INSL6: variants seen among roughly 807,000 people sequenced by gnomAD.
INSL6 encodes the protein insulin like 6.
Under a neutral mutation model 9.4 loss-of-function variants are expected in INSL6, and 16 were observed. The observed-to-expected ratio is 1.70, with a 90% CI of 1.15 to 2.59. INSL6 has a LOEUF of 2.59. Ranked by LOEUF, INSL6 falls within the 30% of genes most tolerant of loss-of-function variation. The probability of loss-of-function intolerance (pLI) is 0.00; values close to 1 mark genes in which losing one functional copy is unlikely to be tolerated. For missense variants in INSL6, 391 were observed against 257.3 expected (o/e 1.52, Z -3.56); for synonymous variants, 154 against 96.9 (o/e 1.59, Z -3.46).
chr9:5,019,436 T>C, the INSL6 span, among the ~76,000 whole-genome samples: 1 of 152,140 alleles, frequency 6.6e-6, no homozygotes, highest in Non-Finnish European at 1.5e-5. Flanking sequence ...TCCTGAGTTG[T>C]TTTTCTGGTT....
At chr9:5,041,837 T>G in the INSL6 span, 1 of 477,268 alleles carries the variant, frequency 2.1e-6, no homozygotes, top group Non-Finnish European at 4.2e-6. Flanking sequence ...ACTCCACCAA[T>G]GGGGAGCTGA....
chr9:5,160,939 G>C (rs1017511743), downstream of INSL6, among the ~76,000 whole-genome samples: 6 of 152,106 alleles, frequency 3.9e-5, no homozygotes, highest in Non-Finnish European at 7.4e-5. Context: ...TAAGATTGAA[G>C]CTATAATAAA....
chr9:5,031,947 G>A, the INSL6 span, among the ~76,000 whole-genome samples: 4 of 152,242 alleles, frequency 2.6e-5, no homozygotes, highest in Non-Finnish European at 2.9e-5. Context: ...AGCATGAGCC[G>A]AAGCAGGGCG....
rs780751879 is a variant in INSL6, at chr9:5,185,358, C to G, written c.245G>C (p.Ser82Thr). The stretch of plus-strand genomic sequence containing the variant: ...CCGGGCCGGGGAAGCGGTTTGCGGG[C>G]TTTCGAACTGGTATGGGCTGTAGGC... ...VEAYSPYQFESPQTASPARGR... is the reference protein window; with the variant it reads ...VEAYSPYQFETPQTASPARGR... Residue 82 changes from serine to threonine, a missense_variant, in exon 1 of 2, where the codon AGC becomes ACC. Physicochemically the swap from Ser to Thr is moderately conservative, Grantham distance 58. Transcript: ENST00000381641. The G allele has an allele frequency of 6.2e-7, 1 of 1,614,134 alleles. No homozygotes were observed. The highest frequency in any genetic ancestry group is 1.7e-5 in the Admixed American group (1 of 60,020).
chr9:5,093,614 G>T, the INSL6 span, among the ~76,000 whole-genome samples: 5,484 of 152,146 alleles, frequency 0.036, 134 homozygotes, highest in African/African-American at 0.067. Flanking sequence ...TAAAAATTTT[G>T]GTTGGGGTGA....
chr9:5,031,685 T>C, the INSL6 span, among the ~76,000 whole-genome samples: 2 of 152,300 alleles, frequency 1.3e-5, no homozygotes, highest in South Asian at 2.1e-4. Flanking sequence ...TGCAAAACAA[T>C]AGAAAAAATC....
At chr9:5,068,369 A>T in the INSL6 span, among the ~76,000 whole-genome samples, 1 of 152,164 alleles carries the variant, frequency 6.6e-6, no homozygotes, top group Non-Finnish European at 1.5e-5. Flanking sequence ...TAAAAATGTA[A>T]TATTAAAGAT....
Position 5,185,626 on chromosome 9 carries a change from C to T in INSL6, c.-24G>A, listed in dbSNP as rs771897156. 3.1e-6 allele frequency: 5 copies of T among 1,600,094 alleles called. No individual in the cohort carries two copies. The highest frequency in any genetic ancestry group is 1.7e-5 in the Admixed American group (1 of 58,000). On this transcript the variant is annotated 5_prime_UTR_variant, in exon 1 of 2. Transcript: ENST00000381641. Reference sequence around the variant, plus strand: ...ATCCCTGTGACCCCAGGCTAGTCCTCCGCGTTGTGCAATGGCGGTCGGCCG... The same window carrying T: ...ATCCCTGTGACCCCAGGCTAGTCCTTCGCGTTGTGCAATGGCGGTCGGCCG...
chr9:5,099,873 C>A, the INSL6 span: 1 of 152,120 alleles, frequency 6.6e-6, no homozygotes, highest in African/African-American at 2.4e-5. Context: ...GTATAGCAAT[C>A]CCCCTGTGAG....
At chr9:5,109,144 A>G in the INSL6 span, 1 of 152,140 alleles carries the variant, frequency 6.6e-6, no homozygotes, top group Non-Finnish European at 1.5e-5. Flanking sequence ...TACTCCCTAC[A>G]TGTACCAATC....
chr9:5,073,897 C>T, the INSL6 span: 1 of 683,886 alleles, frequency 1.5e-6, no homozygotes, highest in East Asian at 2.6e-5. Context: ...TATAATTTAA[C>T]AGGAGTTAAG....
the INSL6 span, chr9:5,112,889 C>A: frequency 1.1e-5 from 4 of 376,554 alleles, no homozygotes; most frequent in Non-Finnish European, 1.8e-5. Context: ...GCCCTCAGCC[C>A]CGTGGGCTGG....
chr9:5,172,549 G>A (rs770185086), intron 1 of INSL6, among the ~76,000 whole-genome samples: 1 of 152,168 alleles, frequency 6.6e-6, no homozygotes. Flanking sequence ...GGAAATTTTT[G>A]CAATCTATCC....
At chr9:5,056,713 T>A in the INSL6 span, among the ~76,000 whole-genome samples, 2 of 152,188 alleles carry the variant, frequency 1.3e-5, no homozygotes, top group Non-Finnish European at 2.9e-5. Context: ...CATAAAAGGA[T>A]GATTAACAAT....
At chr9:5,022,020 G>A in the INSL6 span, 1 of 1,614,096 alleles carries the variant, frequency 6.2e-7, no homozygotes. Flanking sequence ...TGACAGAAAT[G>A]GAGGGAACAT....
chr9:5,015,540 T>G, the INSL6 span, among the ~76,000 whole-genome samples: 15 of 37,500 alleles, frequency 4.0e-4, 1 homozygote, highest in East Asian at 7.1e-3. Context: ...TTTCTTTTCT[T>G]TTTTTTTTTT....
At chr9:5,091,089 G>GAAAATGGCATATGCTTT in the INSL6 span, 2 of 485,418 alleles carry the variant, frequency 4.1e-6, no homozygotes, top group Non-Finnish European at 7.2e-6. Context: ...GTCCACGTGG[G>GAAAATGGCATATGCTTT]AAAATGGCAT....
At chr9:5,158,154 G>C (rs1307797154) in intron 2 of INSL6, among the ~76,000 whole-genome samples, 1 of 151,808 alleles carries the variant, frequency 6.6e-6, no homozygotes, top group East Asian at 1.9e-4. Flanking sequence ...AGTCAGAGAA[G>C]ACAAAAGAAA....
At chr9:5,083,886 A>G in the INSL6 span, among the ~76,000 whole-genome samples, 1 of 152,162 alleles carries the variant, frequency 6.6e-6, no homozygotes, top group Non-Finnish European at 1.5e-5. Flanking sequence ...CAACTACACA[A>G]TTTCTTTCAA....
Sources: allele counts gnomAD v4.1 joint callset (sites outside exome capture counted in the v4.1 genomes callset), GRCh38; gene constraint gnomAD v4.1.1; transcripts MANE v1.5; gene names NCBI Gene and HGNC (gene_info 2026-07-23, HGNC 2026-07-21).